THSD7A: variants seen among roughly 807,000 people sequenced by gnomAD.
THSD7A encodes thrombospondin type-1 domain-containing protein 7A.
A neutral mutation model predicts 231.3 loss-of-function variants in THSD7A; 96 were observed. That is an observed-to-expected ratio of 0.41 (90% CI 0.35 to 0.49). The LOEUF (loss-of-function observed/expected upper bound fraction) is 0.49. Ranked by LOEUF, THSD7A falls within the 20% of genes least tolerant of loss-of-function variation. The pLI, the probability that THSD7A is intolerant of heterozygous loss-of-function variation, is 0.05. For synonymous variants in THSD7A, 940 were observed against 743.3 expected, an observed-to-expected ratio of 1.26 and a Z score of -4.30; for missense variants, 2,290 against 2,070.2, an observed-to-expected ratio of 1.11 and a Z score of -2.06.
At chr7:11,452,189 C>G (rs558569221) in intron 11 of THSD7A, among the ~76,000 whole-genome samples, 6 of 151,872 alleles carry the variant, frequency 4.0e-5, no homozygotes, top group African/African-American at 1.4e-4. Flanking sequence ...TGATTTTCTC[C>G]TATGGTTTTA....
At chr7:11,770,829 G>A (rs186550023) in intron 1 of THSD7A, among the ~76,000 whole-genome samples, 37 of 152,068 alleles carry the variant, frequency 2.4e-4, no homozygotes, top group Middle Eastern at 3.4e-3. Flanking sequence ...TTTTGGCTAC[G>A]TAGAAGTATT....
chr7:11,461,063 C>T (rs1335755694), intron 10 of THSD7A, among the ~76,000 whole-genome samples: 1 of 152,102 alleles, frequency 6.6e-6, no homozygotes, highest in Non-Finnish European at 1.5e-5. Context: ...CACCAGATGG[C>T]CCCAGAAGTG....
intron 1 of THSD7A, among the ~76,000 whole-genome samples, chr7:11,797,601 T>C (rs1784163291): frequency 6.6e-6 from 1 of 151,926 alleles, no homozygotes; most frequent in African/African-American, 2.4e-5. Context: ...AATATTCTTG[T>C]AGAGACAGAA....
At chr7:11,521,838 A>G (rs1788280446) in intron 6 of THSD7A, among the ~76,000 whole-genome samples, 1 of 151,996 alleles carries the variant, frequency 6.6e-6, no homozygotes, top group African/African-American at 2.4e-5. Flanking sequence ...ACCCTTTCTG[A>G]TAGTGCCTTC....
chr7:11,654,028 A>G (rs992573929), intron 1 of THSD7A, among the ~76,000 whole-genome samples: 1 of 151,942 alleles, frequency 6.6e-6, no homozygotes, highest in African/African-American at 2.4e-5. Flanking sequence ...GAGAAGAAGA[A>G]GCACAATCCA....
rs1339017146 is a variant in THSD7A at position 11,554,549 on chromosome 7, TATTG to T, written c.1454-11436_1454-11433del. ...AAATTTTGTTAAATAGCTTTTGCTGTATTGATTATGTTTTTAGTCTGTTAAATTG... is the reference window on the plus strand; with the variant it reads ...AAATTTTGTTAAATAGCTTTTGCTGTATTATGTTTTTAGTCTGTTAAATTG... On this transcript the variant is annotated intron_variant, in intron 4 of 27. Transcript: ENST00000423059. 3.3e-5 allele frequency among the ~76,000 whole-genome samples: 5 copies of T among 152,214 alleles called. No individual in the cohort carries two copies. In the East Asian group the frequency reaches 5.8e-4, roughly 18 times the overall value.
intron 19 of THSD7A, among the ~76,000 whole-genome samples, chr7:11,409,401 C>G (rs1783703547): frequency 6.6e-6 from 1 of 152,238 alleles, no homozygotes; most frequent in East Asian, 1.9e-4. Context: ...CTAGGAGTCC[C>G]TAATTGCCAT....
At chr7:11,400,816 A>G (rs766623296) in intron 23 of THSD7A, among the ~76,000 whole-genome samples, 3 of 152,146 alleles carry the variant, frequency 2.0e-5, no homozygotes, top group Non-Finnish European at 4.4e-5. Context: ...TTTGTCTCCT[A>G]CTTGCTACTA....
At chr7:11,462,241 T>G (rs1259867107) in intron 9 of THSD7A, 98 bp from the exon 10 acceptor site, 1 of 1,368,936 alleles carries the variant, frequency 7.3e-7, no homozygotes, top group Non-Finnish European at 9.9e-7. Flanking sequence ...TCCAGCTACA[T>G]GTGCTTTGAC....
intron 2 of THSD7A, among the ~76,000 whole-genome samples, chr7:11,615,900 A>G (rs1781088097): frequency 6.6e-6 from 1 of 152,148 alleles, no homozygotes; most frequent in Non-Finnish European, 1.5e-5. Flanking sequence ...GATTTAGATA[A>G]TATTTATTTA....
At chr7:11,597,302 T>C (rs563045308) in intron 2 of THSD7A, among the ~76,000 whole-genome samples, 4 of 152,336 alleles carry the variant, frequency 2.6e-5, no homozygotes, top group African/African-American at 9.6e-5. Flanking sequence ...AGAGGCACAA[T>C]GGCTAGTGGG....
At chr7:11,588,093 G>T (rs982025528) in intron 4 of THSD7A, among the ~76,000 whole-genome samples, 2 of 152,108 alleles carry the variant, frequency 1.3e-5, no homozygotes, top group Non-Finnish European at 2.9e-5. Flanking sequence ...TTAGCTGGGG[G>T]AGTTGTTTTG....
intron 27 of THSD7A, 109 bp from the exon 28 acceptor site, chr7:11,375,987 G>GT (rs963243579): frequency 4.1e-4 from 357 of 866,644 alleles, no homozygotes; most frequent in Non-Finnish European, 5.9e-4. Context: ...AAATTGCCTC[G>GT]TTGCCTGCGT....
At chr7:11,664,064 G>A (rs1783030495) in intron 1 of THSD7A, among the ~76,000 whole-genome samples, 1 of 151,630 alleles carries the variant, frequency 6.6e-6, no homozygotes, top group Admixed American at 6.6e-5. Flanking sequence ...ATTAAGTCTA[G>A]AATCTGAATC....
chr7:11,704,817 T>C (rs1463591006), intron 1 of THSD7A, among the ~76,000 whole-genome samples: 1 of 151,038 alleles, frequency 6.6e-6, no homozygotes, highest in Non-Finnish European at 1.5e-5. Context: ...TGAGACATTT[T>C]AGGGCATAAT....
chr7:11,682,635 A>T (rs1232213867), intron 1 of THSD7A, among the ~76,000 whole-genome samples: 1 of 152,094 alleles, frequency 6.6e-6, no homozygotes, highest in African/African-American at 2.4e-5. Context: ...AAGAATAGAC[A>T]TAGACATTCA....
intron 1 of THSD7A, among the ~76,000 whole-genome samples, chr7:11,680,313 A>T (rs956645485): frequency 6.6e-6 from 1 of 152,198 alleles, no homozygotes; most frequent in Non-Finnish European, 1.5e-5. Context: ...TGACTAAAAC[A>T]CCAAAAGCAA....
chr7:11,622,690 TG>T (rs1781355342), intron 2 of THSD7A, among the ~76,000 whole-genome samples: 1 of 152,176 alleles, frequency 6.6e-6, no homozygotes, highest in Non-Finnish European at 1.5e-5. Context: ...GGGTTTCACT[TG>T]CCTTATTCTC....
At chr7:11,464,390 G>A (rs773285078) in intron 9 of THSD7A, among the ~76,000 whole-genome samples, 1 of 152,096 alleles carries the variant, frequency 6.6e-6, no homozygotes, top group Admixed American at 6.6e-5. Context: ...TGGAGACAAT[G>A]AGTTCAGCAT....
Sources: gnomAD v4.1 joint callset for allele counts (sites outside exome capture counted in the v4.1 genomes callset) on GRCh38, gnomAD v4.1.1 for gene constraint, MANE v1.5 for transcripts, NCBI Gene and HGNC (gene_info 2026-07-23, HGNC 2026-07-21) for gene names.